The following PTPRT variants were observed in gnomAD, a reference collection of about 807,000 sequenced individuals.
The protein encoded by PTPRT is protein tyrosine phosphatase receptor type T.
PTPRT carries 56 observed loss-of-function variants against 176.8 expected under a neutral mutation model. The ratio of observed to expected loss-of-function variants is 0.32; its 90% CI spans 0.26 to 0.40. The LOEUF is 0.40. Ranked by LOEUF, PTPRT falls within the 10% of genes least tolerant of loss-of-function variation. The pLI, the probability that PTPRT is intolerant of heterozygous loss-of-function variation, is 1.00. For synonymous variants in PTPRT, 783 were observed against 739.0 expected, an observed-to-expected ratio of 1.06 and a Z score of -0.96; for missense variants, 1,540 against 1,908.2, an observed-to-expected ratio of 0.81 and a Z score of 3.60.
intron 1 of PTPRT, among the ~76,000 whole-genome samples, chr20:43,121,318 C>T (rs73279080): frequency 3.2e-4 from 48 of 152,330 alleles, no homozygotes; most frequent in African/African-American, 1.1e-3. Flanking sequence ...CATTTGTGTA[C>T]ATGCCCATGA....
intron 7 of PTPRT, among the ~76,000 whole-genome samples, chr20:42,537,709 A>G (rs1163434036): frequency 6.6e-6 from 1 of 152,176 alleles, no homozygotes; most frequent in Non-Finnish European, 1.5e-5. Context: ...ATGCAACAGG[A>G]GACAGGATAG....
intron 7 of PTPRT, among the ~76,000 whole-genome samples, chr20:42,656,380 C>G (rs570800206): frequency 4.3e-4 from 65 of 152,172 alleles, no homozygotes; most frequent in African/African-American, 1.6e-3. Flanking sequence ...GGATTCCGCT[C>G]CAAATAGGGG....
chr20:42,658,323 G>A (rs1189389823), intron 7 of PTPRT, among the ~76,000 whole-genome samples: 1 of 152,130 alleles, frequency 6.6e-6, no homozygotes, highest in Non-Finnish European at 1.5e-5. Context: ...TGTAACTCAG[G>A]CCTGAACAAA....
chr20:43,024,582 T>A (rs985510601), intron 1 of PTPRT, among the ~76,000 whole-genome samples: 3 of 128,860 alleles, frequency 2.3e-5, no homozygotes, highest in African/African-American at 9.1e-5. Context: ...ACAGCAAGAC[T>A]CCATCTCAAA....
Position 42,956,498 on chromosome 20 carries a change from C to A in PTPRT, c.89-70566G>T, listed in dbSNP as rs373433448. Among the ~76,000 whole-genome samples the A allele has an allele frequency of 1.3e-5, 2 of 152,278 alleles. 1 individual carries two copies. The highest frequency in any genetic ancestry group is 4.8e-5 in the African/African-American group (2 of 41,548). On this transcript the variant is annotated intron_variant, in intron 1 of 30. Coordinates refer to ENST00000373187, the MANE Select transcript of PTPRT (RefSeq NM_007050.6). ...CTTTGCCTTCTGCCTTGATTGTAAG[C>A]TTCCTGAGGCCTCCCCAGAAGCTAA...
At chr20:42,775,243 A>G (rs1242971489) in intron 4 of PTPRT, among the ~76,000 whole-genome samples, 1 of 152,244 alleles carries the variant, frequency 6.6e-6, no homozygotes, top group East Asian at 1.9e-4. Flanking sequence ...TCAGTGCAGC[A>G]TCTGAAGACA....
chr20:42,213,098 G>C (rs930930346), intron 15 of PTPRT, among the ~76,000 whole-genome samples: 14 of 152,114 alleles, frequency 9.2e-5, no homozygotes, highest in African/African-American at 2.9e-4. Flanking sequence ...GGTTTCCCTG[G>C]ACCAGCAGCA....
chr20:42,365,941 A>T (rs1020308843), intron 9 of PTPRT, among the ~76,000 whole-genome samples: 3 of 152,148 alleles, frequency 2.0e-5, no homozygotes, highest in African/African-American at 7.2e-5. Context: ...GCTGTTTCCA[A>T]CACATTCCCT....
chr20:42,721,326 A>T (rs1299233492), intron 6 of PTPRT, among the ~76,000 whole-genome samples: 1 of 152,196 alleles, frequency 6.6e-6, no homozygotes, highest in African/African-American at 2.4e-5. Flanking sequence ...CATGATGGTG[A>T]ACTGGAGATG....
chr20:42,908,260 GATA>G (rs761972968), intron 1 of PTPRT, among the ~76,000 whole-genome samples: 1 of 152,054 alleles, frequency 6.6e-6, no homozygotes, highest in African/African-American at 2.4e-5. Flanking sequence ...CATCTAAGAA[GATA>G]ATAATAATAG....
chr20:43,184,687 TA>T lies in PTPRT; in HGVS notation c.88+4958del, dbSNP rs1293126529. Among the ~76,000 whole-genome samples the T allele has an allele frequency of 5.8e-4, 83 of 144,236 alleles. No individual in the cohort carries two copies. The East Asian group carries it at 6.0e-3, about 10-fold the overall frequency. The allele number at this position is 144,236 out of a possible 152,430, so 94.6% of individuals were successfully genotyped here. A position where few individuals can be genotyped will look rare whatever the true frequency, so the allele number is the denominator to read the frequency against. ...GGCGACAGAGCAGTGAGACTCTGTC[TA>T]AAAAAAAAAACAGGCCCTAATGATC... On this transcript the variant is annotated intron_variant, in intron 1 of 30. Transcript: ENST00000373187.
At chr20:42,622,337 G>C (rs1285983068) in intron 7 of PTPRT, among the ~76,000 whole-genome samples, 1 of 151,986 alleles carries the variant, frequency 6.6e-6, no homozygotes, top group Non-Finnish European at 1.5e-5. Context: ...CACCTCCTGG[G>C]TTCATGCCAT....
intron 1 of PTPRT, among the ~76,000 whole-genome samples, chr20:43,069,558 T>C (rs1307253400): frequency 6.6e-6 from 1 of 152,198 alleles, no homozygotes; most frequent in Non-Finnish European, 1.5e-5. Flanking sequence ...CTTTATAATA[T>C]TAAACCAAAG....
intron 18 of PTPRT, among the ~76,000 whole-genome samples, chr20:42,141,288 C>T (rs2146414514): frequency 6.6e-6 from 1 of 152,336 alleles, no homozygotes; most frequent in Non-Finnish European, 1.5e-5. Flanking sequence ...ATAGGAGTAG[C>T]CCCGGGCTCC....
At chr20:42,763,473 TGATAAA>T (rs1291238511) in intron 5 of PTPRT, among the ~76,000 whole-genome samples, 4 of 151,994 alleles carry the variant, frequency 2.6e-5, no homozygotes, top group Non-Finnish European at 5.9e-5. Flanking sequence ...TAAAAAAAAA[TGATAAA>T]GATAAAAATA....
chr20:42,687,291 T>C (rs554754043), intron 6 of PTPRT: 1 of 152,292 alleles, frequency 6.6e-6, no homozygotes, highest in East Asian at 1.9e-4. Context: ...CCAAAACTCC[T>C]ACCAGCAAAT....
chr20:42,294,066 C>G (rs1242608965), intron 12 of PTPRT, among the ~76,000 whole-genome samples: 2 of 152,102 alleles, frequency 1.3e-5, no homozygotes, highest in South Asian at 4.2e-4. Context: ...AAAGAAGAAC[C>G]AGATATAAAT....
chr20:42,534,484 A>T lies in PTPRT; in HGVS notation c.1154-61922T>A, dbSNP rs1470087507. Among the ~76,000 whole-genome samples the T allele has an allele frequency of 3.9e-5, 6 of 152,144 alleles. No homozygotes were observed. In the East Asian group the frequency reaches 5.8e-4, roughly 15 times the overall value. On this transcript the variant is annotated intron_variant, in intron 7 of 30. Coordinates refer to ENST00000373187, the MANE Select transcript of PTPRT (RefSeq NM_007050.6). ...CCGTCTCTACTAAAAATACCAAAAA[A>T]ATTTAGCCGGGCATGGTGGCGAGCG...
chr20:43,127,696 C>T (rs1403024248), intron 1 of PTPRT, among the ~76,000 whole-genome samples: 1 of 152,128 alleles, frequency 6.6e-6, no homozygotes, highest in Non-Finnish European at 1.5e-5. Context: ...TTAAAGAGCC[C>T]AGGTTGGTGA....
Sources: gnomAD v4.1 joint callset for allele counts (sites outside exome capture counted in the v4.1 genomes callset) on GRCh38, gnomAD v4.1.1 for gene constraint, MANE v1.5 for transcripts, NCBI Gene and HGNC (gene_info 2026-07-23, HGNC 2026-07-21) for gene names.